Variants in SEC11A observed in about 807,000 individuals in gnomAD.
SEC11A encodes SEC11 homolog A, signal peptidase complex subunit.
A neutral mutation model predicts 25.6 loss-of-function variants in SEC11A; 14 were observed. The observed-to-expected ratio is 0.55, with a 90% CI of 0.36 to 0.85. SEC11A has a LOEUF of 0.85. Ranked by LOEUF, SEC11A falls within the 40% of genes least tolerant of loss-of-function variation. The probability of loss-of-function intolerance (pLI) is 0.01; values close to 1 mark genes in which losing one functional copy is unlikely to be tolerated. For synonymous variants in SEC11A, 83 were observed against 76.4 expected, an observed-to-expected ratio of 1.09 and a Z score of -0.45; for missense variants, 153 against 222.9, an observed-to-expected ratio of 0.69 and a Z score of 2.00.
At chr15:84,676,923 T>C (rs1366640992) in intron 4 of SEC11A, among the ~76,000 whole-genome samples, 3 of 151,816 alleles carry the variant, frequency 2.0e-5, no homozygotes, top group Non-Finnish European at 4.4e-5. Context: ...AGAGCCAATC[T>C]CTACAAAAAT....
intron 1 of SEC11A, among the ~76,000 whole-genome samples, chr15:84,707,108 A>C (rs2141921528): frequency 6.6e-6 from 1 of 150,914 alleles, no homozygotes; most frequent in South Asian, 2.1e-4. Flanking sequence ...AGAGCTGCTT[A>C]GTGACATTCC....
At chr15:84,678,722 G>T (rs563322550) in intron 4 of SEC11A, among the ~76,000 whole-genome samples, 1 of 152,084 alleles carries the variant, frequency 6.6e-6, no homozygotes, top group Non-Finnish European at 1.5e-5. Context: ...GCTGGGTGCC[G>T]TGGCTCATGC....
At chr15:84,711,373 C>T (rs953184587) in intron 1 of SEC11A, among the ~76,000 whole-genome samples, 7 of 151,658 alleles carry the variant, frequency 4.6e-5, no homozygotes, top group African/African-American at 1.5e-4. Context: ...CAGAGTGAGA[C>T]CCTGTCTCAA....
At chr15:84,700,984 CAAAAAAAAA>C (rs57015135) in intron 1 of SEC11A, among the ~76,000 whole-genome samples, 1 of 78,034 alleles carries the variant, frequency 1.3e-5, no homozygotes, top group Non-Finnish European at 2.3e-5. Flanking sequence ...AACTCCATAT[CAAAAAAAAA>C]AAAAAAAAAA....
At chr15:84,671,336 C>T (rs529361628) in intron 4 of SEC11A, 1 of 152,276 alleles carries the variant, frequency 6.6e-6, no homozygotes, top group African/African-American at 2.4e-5. Context: ...TGTAGCAAAC[C>T]AGTCTCAACT....
At chr15:84,713,434 A>G (rs1043115078) in intron 1 of SEC11A, among the ~76,000 whole-genome samples, 1 of 152,190 alleles carries the variant, frequency 6.6e-6, no homozygotes, top group African/African-American at 2.4e-5. Flanking sequence ...CAGTATCTAC[A>G]TGTATTGTCA....
intron 4 of SEC11A, chr15:84,673,195 C>T (rs1283657556): frequency 3.3e-5 from 6 of 180,290 alleles, no homozygotes; most frequent in African/African-American, 7.2e-5. Flanking sequence ...TCTGCCCGGC[C>T]GCCCCTACTG....
At chr15:84,682,534 T>C (rs113374918) in intron 3 of SEC11A, among the ~76,000 whole-genome samples, 10,287 of 152,084 alleles carry the variant, frequency 0.068, 447 homozygotes, top group African/African-American at 0.11. Context: ...CTGCAACCTC[T>C]GCTTCCTGGG....
chr15:84,713,533 C>T (rs901356734), intron 1 of SEC11A, among the ~76,000 whole-genome samples: 4 of 152,186 alleles, frequency 2.6e-5, no homozygotes, highest in African/African-American at 9.7e-5. Context: ...CTATCCATTC[C>T]TAACAACCTC....
chr15:84,682,598 G>A (rs190573297), intron 3 of SEC11A, among the ~76,000 whole-genome samples: 1,816 of 151,980 alleles, frequency 0.012, 123 homozygotes, highest in Admixed American at 0.11. Flanking sequence ...ACAAGCGCCC[G>A]CCACCACACC....
chr15:84,709,785 C>A (rs1898206563), intron 1 of SEC11A, among the ~76,000 whole-genome samples: 1 of 152,102 alleles, frequency 6.6e-6, no homozygotes, highest in African/African-American at 2.4e-5. Flanking sequence ...CACTGTCACC[C>A]AGGCTGGAGT....
At chr15:84,677,968 G>A (rs181509289) in intron 4 of SEC11A, among the ~76,000 whole-genome samples, 22 of 152,282 alleles carry the variant, frequency 1.4e-4, no homozygotes, top group African/African-American at 3.9e-4. Flanking sequence ...GACCATGGTA[G>A]GCAGGTCACT....
chr15:84,679,958 T>C, intron 4 of SEC11A: 1 of 1,530,356 alleles, frequency 6.5e-7, no homozygotes, highest in Non-Finnish European at 8.8e-7. Context: ...TGAACTGTTC[T>C]CCTGATAAAA....
intron 1 of SEC11A, among the ~76,000 whole-genome samples, chr15:84,700,618 A>T (rs1897904902): frequency 1.3e-5 from 1 of 75,806 alleles, no homozygotes; most frequent in Non-Finnish European, 3.5e-5. Context: ...AAAAAAAAAA[A>T]AAAAAAAAAA....
chr15:84,679,207 GGA>G (rs1897220942), intron 4 of SEC11A: 1 of 1,047,680 alleles, frequency 9.5e-7, no homozygotes, highest in East Asian at 6.0e-5. Context: ...CAAAGAGATT[GGA>G]GAGTTTAAAT....
chr15:84,669,867 T>G lies in SEC11A; in HGVS notation c.*152A>C. On this transcript the variant is annotated 3_prime_UTR_variant, in exon 6 of 6. Transcript: ENST00000268220. ...TGCACATGCGCCCGCCCACACAAAC[T>G]CTGGCATGGAAACATAAACTAATGC... The G allele has an allele frequency of 6.9e-7, 1 of 1,454,504 alleles. No homozygotes were observed. Among genetic ancestry groups the G allele is most frequent in the Non-Finnish European group, 9.4e-7 (1 of 1,068,568 alleles). The allele number at this position is 1,454,504 out of a possible 1,614,324, so 90.1% of individuals were successfully genotyped here.
In SEC11A at chr15:84,687,624, C is replaced by G. The variant is rs764353959; in HGVS notation, c.311+1G>C. On this transcript the variant is annotated splice_donor_variant, in intron 3 of 5. Coordinates refer to ENST00000268220, the MANE Select transcript of SEC11A (RefSeq NM_014300.4). LOFTEE classifies it high-confidence loss of function. ...ACAAAGATGCTATACTTTGCACATA[C>G]TTTTCATGAATCTTCAAGACTCGGT... 6.4e-7 allele frequency: 1 copy of G among 1,570,092 alleles called. No individual in the cohort carries two copies. The highest frequency in any genetic ancestry group is 1.2e-5 in the South Asian group (1 of 83,372).
At chr15:84,705,530 C>T (rs141461213) in intron 1 of SEC11A, among the ~76,000 whole-genome samples, 1 of 152,084 alleles carries the variant, frequency 6.6e-6, no homozygotes, top group Non-Finnish European at 1.5e-5. Context: ...TGACTCCTCT[C>T]ATTATTACCC....
In SEC11A at chr15:84,715,946, C is replaced by T. The variant is rs570591403; in HGVS notation, c.51+79G>A. On this transcript the variant is annotated intron_variant, in intron 1 of 5. Coordinates refer to ENST00000268220, the MANE Select transcript of SEC11A (RefSeq NM_014300.4). ...CAGCTCAGACCCTCACACCAGAACC[C>T]TGGGGTCCGCCGGGCCCCGCAGCAG... 158 of 1,379,596 alleles carry T rather than the reference C, an allele frequency of 1.1e-4. 1 individual carries two copies. The African/African-American group carries it at 2.1e-3, about 18-fold the overall frequency. The allele number at this position is 1,379,596 out of a possible 1,614,324, so 85.5% of individuals were successfully genotyped here. A position where few individuals can be genotyped will look rare whatever the true frequency, so the allele number is the denominator to read the frequency against.
Sources: gnomAD v4.1 joint callset for allele counts (sites outside exome capture counted in the v4.1 genomes callset) on GRCh38, gnomAD v4.1.1 for gene constraint, MANE v1.5 for transcripts, NCBI Gene and HGNC (gene_info 2026-07-23, HGNC 2026-07-21) for gene names.